TP63: variants seen among roughly 807,000 people sequenced by gnomAD.
TP63 encodes tumor protein p63, also known as tumor protein 63.
TP63 carries 17 observed loss-of-function variants against 82.8 expected under a neutral mutation model. The ratio of observed to expected loss-of-function variants is 0.21; its 90% confidence interval spans 0.14 to 0.31. TP63 has a LOEUF of 0.31. TP63 is among the 10% of genes least tolerant of loss of function. TP63 has a pLI of 1.00. For missense variants in TP63, 648 were observed against 895.3 expected (o/e 0.72, Z 3.52); for synonymous variants, 330 against 321.7 (o/e 1.03, Z -0.28).
intron 3 of TP63, among the ~76,000 whole-genome samples, chr3:189,756,431 C>T (rs1287428023): frequency 1.3e-5 from 2 of 152,168 alleles, no homozygotes; most frequent in Non-Finnish European, 2.9e-5. Flanking sequence ...AATGGGAAGG[C>T]AGCACTTTGT....
chr3:189,713,274 G>C (rs543571838), intron 1 of TP63, among the ~76,000 whole-genome samples: 19 of 152,258 alleles, frequency 1.2e-4, no homozygotes, highest in Admixed American at 1.1e-3. Flanking sequence ...CTGAATGAAT[G>C]GACAAACTAC....
At chr3:189,758,438 G>T (rs984183552) in intron 3 of TP63, among the ~76,000 whole-genome samples, 5 of 152,180 alleles carry the variant, frequency 3.3e-5, no homozygotes, top group Non-Finnish European at 5.9e-5. Flanking sequence ...CCTCCTTAGT[G>T]CACATGTCGA....
intron 1 of TP63, among the ~76,000 whole-genome samples, chr3:189,697,232 AGT>A (rs1717448290): frequency 4.5e-5 from 1 of 22,392 alleles, no homozygotes; most frequent in African/African-American, 9.4e-5. Context: ...GTCTAGGTTC[AGT>A]TTTTTTTTTT....
chr3:189,642,544 CTA>C (rs915409276), intron 1 of TP63, among the ~76,000 whole-genome samples: 1 of 151,244 alleles, frequency 6.6e-6, no homozygotes, highest in Admixed American at 6.6e-5. Flanking sequence ...ATCTATATGT[CTA>C]TTTTTTTTTT....
chr3:189,872,822 T>C (rs1313215265), intron 9 of TP63, 37 bp from the exon 10 acceptor site: 1 of 1,613,906 alleles, frequency 6.2e-7, no homozygotes, highest in African/African-American at 1.3e-5. Context: ...TCTACAGCTT[T>C]TCATGTTTCC....
At chr3:189,743,813 G>T (rs1375536478) in intron 3 of TP63, among the ~76,000 whole-genome samples, 1 of 152,054 alleles carries the variant, frequency 6.6e-6, no homozygotes. Flanking sequence ...GCCTGGAGAG[G>T]CTCCCTAATG....
intron 1 of TP63, among the ~76,000 whole-genome samples, chr3:189,707,418 T>G (rs962344250): frequency 1.3e-5 from 2 of 152,184 alleles, no homozygotes. Context: ...TGTTGAATTG[T>G]AGGTGAATTA....
the TP63 span, among the ~76,000 whole-genome samples, chr3:189,624,751 G>T: frequency 6.6e-6 from 1 of 152,064 alleles, no homozygotes; most frequent in African/African-American, 2.4e-5. Flanking sequence ...TTTCATGGTT[G>T]GTAAAAAGGG....
chr3:189,785,336 T>A (rs1442087803), intron 3 of TP63, among the ~76,000 whole-genome samples: 1 of 152,080 alleles, frequency 6.6e-6, no homozygotes, highest in Non-Finnish European at 1.5e-5. Context: ...GAGCTGATAC[T>A]CACCGAGCTT....
At chr3:189,672,098 G>T (rs1714939964) in intron 1 of TP63, among the ~76,000 whole-genome samples, 1 of 151,952 alleles carries the variant, frequency 6.6e-6, no homozygotes, top group Admixed American at 6.6e-5. Flanking sequence ...AAATATATTA[G>T]TTATTCTTAT....
At chr3:189,839,560 CT>C (rs1448241077) in intron 4 of TP63, among the ~76,000 whole-genome samples, 1 of 152,172 alleles carries the variant, frequency 6.6e-6, no homozygotes, top group African/African-American at 2.4e-5. Flanking sequence ...CAAAACGTAT[CT>C]TCTTATACGG....
At chr3:189,887,511 C>A (rs1263739082) in intron 11 of TP63, among the ~76,000 whole-genome samples, 1 of 152,048 alleles carries the variant, frequency 6.6e-6, no homozygotes, top group East Asian at 1.9e-4. Flanking sequence ...AATTGGGCCT[C>A]CAAGTGGATG....
rs1031695612 is a variant in TP63 at position 189,651,046 on chromosome 3, G to C, written c.62+19469G>C. Among the ~76,000 whole-genome samples, 4 of 147,320 alleles carry C rather than the reference G, an allele frequency of 2.7e-5. 2 individuals are homozygous for C. Among genetic ancestry groups the C allele is most frequent in the African/African-American group, 1.0e-4 (4 of 39,288 alleles). On this transcript the variant is annotated intron_variant, in intron 1 of 13. Transcript: ENST00000264731. ...TTAGATAGAGATGAGGAACTTGTTA[G>C]GAACTGTAATAGAAGTGACTCTTGC...
the TP63 span, among the ~76,000 whole-genome samples, chr3:189,603,786 G>T: frequency 2.7e-5 from 4 of 150,468 alleles, no homozygotes; most frequent in African/African-American, 9.8e-5. Flanking sequence ...TGTAAGAAAA[G>T]TATATACATC....
intron 4 of TP63, 39 bp downstream of exon 4, chr3:189,808,565 TC>T: frequency 6.2e-7 from 1 of 1,610,514 alleles, no homozygotes; most frequent in Non-Finnish European, 8.5e-7. Context: ...ACCCCCCAAG[TC>T]CAAGGATGGG....
intron 1 of TP63, among the ~76,000 whole-genome samples, chr3:189,656,680 A>G (rs1194061133): frequency 6.6e-6 from 1 of 152,170 alleles, no homozygotes; most frequent in Non-Finnish European, 1.5e-5. Flanking sequence ...AATATATGCC[A>G]TGCTAACACT....
intron 3 of TP63, among the ~76,000 whole-genome samples, chr3:189,741,665 G>C (rs1221252493): frequency 2.0e-5 from 3 of 152,158 alleles, no homozygotes; most frequent in Non-Finnish European, 4.4e-5. Flanking sequence ...CTTAGGGATA[G>C]AAATCTCGAA....
intron 4 of TP63, among the ~76,000 whole-genome samples, chr3:189,845,294 A>G (rs970536413): frequency 1.2e-4 from 19 of 152,336 alleles, no homozygotes; most frequent in African/African-American, 4.3e-4. Context: ...ACTAGTGGCT[A>G]TCTTTTAGAT....
At chr3:189,818,044 T>G (rs114288053) in intron 4 of TP63, among the ~76,000 whole-genome samples, 6,034 of 151,920 alleles carry the variant, frequency 0.04, 169 homozygotes, top group Non-Finnish European at 0.062. Context: ...ATTTGATAAT[T>G]TGGGCTTGAA....
Sources: gnomAD v4.1 joint callset for allele counts (sites outside exome capture counted in the v4.1 genomes callset) on GRCh38, gnomAD v4.1.1 for gene constraint, MANE v1.5 for transcripts, NCBI Gene and HGNC (gene_info 2026-07-23, HGNC 2026-07-21) for gene names.